The following CHRDL2 variants were observed in gnomAD, a reference collection of about 807,000 sequenced individuals.
CHRDL2 encodes the protein chordin like 2, also known as chordin-like protein 2.
Under a neutral mutation model 54.3 loss-of-function variants are expected in CHRDL2, and 41 were observed. The ratio of observed to expected loss-of-function variants is 0.76; its 90% CI spans 0.59 to 0.98. The LOEUF (loss-of-function observed/expected upper bound fraction) is 0.98. Among genes scored for constraint, CHRDL2 ranks in the 50% least tolerant of loss-of-function variants. The probability of loss-of-function intolerance (pLI) is 0.00; values close to 1 mark genes in which losing one functional copy is unlikely to be tolerated. For missense variants in CHRDL2, 518 were observed against 562.4 expected (o/e 0.92, Z 0.80); for synonymous variants, 220 against 224.3 (o/e 0.98, Z 0.17).
chr11:74,716,275 GC>G (rs1353538205), intron 2 of CHRDL2, among the ~76,000 whole-genome samples: 3 of 152,060 alleles, frequency 2.0e-5, no homozygotes, highest in Non-Finnish European at 4.4e-5. Flanking sequence ...GGTGGCTCAT[GC>G]CTGTAATCCC....
intron 1 of CHRDL2, among the ~76,000 whole-genome samples, chr11:74,721,791 T>G (rs1591369701): frequency 6.6e-6 from 1 of 152,244 alleles, no homozygotes; most frequent in South Asian, 2.1e-4. Flanking sequence ...GTTTCCCATC[T>G]GCAAAATAAG....
At position 74,718,759 on chromosome 11, in the gene CHRDL2, T is replaced by G. The variant is rs1006955208; in HGVS notation, c.156A>C (p.Pro52=). 2.3e-5 allele frequency: 37 copies of G among 1,613,710 alleles called. No individual in the cohort carries two copies. The Admixed American group carries it at 4.3e-4, about 19-fold the overall frequency. The change falls in exon 2 of 11, where the codon CCA becomes CCC. Residue 52 remains proline (P), a synonymous_variant. Transcript: ENST00000376332. The part of the protein sequence containing the change: ...PGESWHPYLE[P]QGLMYCLRCT... ...AGCGCAGGCAGTACATCAGGCCTTG[T>G]GGCTCCAAGTAGGGGTGCCAGCTCT...
Position 74,708,408 on chromosome 11 carries a change from G to A in CHRDL2, c.433-13C>T, listed in dbSNP as rs1395335677. The A allele has an allele frequency of 6.4e-7, 1 of 1,551,728 alleles. No homozygotes were observed. ...AGATCTGGCCCTCCTGACAGATAGA[G>A]CAAACCAGCTGGGAAATGAGCTCTG... On this transcript the variant is annotated splice_polypyrimidine_tract_variant and intron_variant, in intron 4 of 10. Transcript: ENST00000376332.
At chr11:74,701,624 T>C (rs1432893208) in intron 9 of CHRDL2, 1 of 717,456 alleles carries the variant, frequency 1.4e-6, no homozygotes. Context: ...GTACTTCACC[T>C]CTCTGAGCCT....
At chr11:74,723,590 G>A (rs910659083) in intron 1 of CHRDL2, among the ~76,000 whole-genome samples, 3 of 152,096 alleles carry the variant, frequency 2.0e-5, no homozygotes, top group Non-Finnish European at 2.9e-5. Flanking sequence ...CAAATTGCTG[G>A]CACTGCTACT....
chr11:74,712,148 T>C, intron 3 of CHRDL2, among the ~76,000 whole-genome samples: 1 of 151,500 alleles, frequency 6.6e-6, no homozygotes, highest in South Asian at 2.1e-4. Context: ...AAGTTTGAAA[T>C]CTAATTAGGC....
At position 74,708,543 on chromosome 11, in the gene CHRDL2, C is replaced by T. The variant is rs557992669; in HGVS notation, c.433-148G>A. 8.1e-5 allele frequency: 49 copies of T among 604,260 alleles called. No individual in the cohort carries two copies. In the East Asian group the frequency reaches 9.8e-4, roughly 12 times the overall value. The allele number at this position is 604,260 out of a possible 1,614,324, so 37.4% of individuals were successfully genotyped here. A position where few individuals can be genotyped will look rare whatever the true frequency, so the allele number is the denominator to read the frequency against. On this transcript the variant is annotated intron_variant, in intron 4 of 10. Coordinates refer to ENST00000376332, the MANE Select transcript of CHRDL2 (RefSeq NM_001278473.3). Reference sequence around the variant, plus strand: ...GCAACAGCATCTCCACAGCAAGGCCCGGCCAGCTCAGAGGAGGGGTCCCCC... The same window carrying T: ...GCAACAGCATCTCCACAGCAAGGCCTGGCCAGCTCAGAGGAGGGGTCCCCC...
In CHRDL2 at chr11:74,708,306, G is replaced by A. The variant is rs371940241; in HGVS notation, c.522C>T (p.Cys174=). 2.5e-5 allele frequency: 39 copies of A among 1,574,746 alleles called. No homozygotes were observed. In the African/African-American group the frequency reaches 4.8e-4, roughly 19 times the overall value. Residue 174 remains cysteine, a synonymous_variant, in exon 5 of 11, where the codon TGC becomes TGT. Coordinates refer to ENST00000376332, the MANE Select transcript of CHRDL2 (RefSeq NM_001278473.3). The part of the protein sequence containing the change: ...LPLPDSCCQA[C]KDEASEQSDE... ...CAGATGGAGGGACAGACTCACCTTTGCAGGCCTGGCAGCAGGAGTCTGGCA... is the reference window on the plus strand; with the variant it reads ...CAGATGGAGGGACAGACTCACCTTTACAGGCCTGGCAGCAGGAGTCTGGCA...
rs141418713 is a variant in CHRDL2, at chr11:74,713,372, G to A, written c.289+14C>T. The A allele has an allele frequency of 1.2e-6, 2 of 1,608,940 alleles. No homozygotes were observed. Among genetic ancestry groups the A allele is most frequent in the Non-Finnish European group, 1.7e-6 (2 of 1,175,400 alleles). On this transcript the variant is annotated intron_variant, in intron 3 of 10. Transcript: ENST00000376332. ...AAAGGTCCATGGACGATGGGGAGGAGCATGGCTACTTACCCACACACTTGG... is the reference window on the plus strand; with the variant it reads ...AAAGGTCCATGGACGATGGGGAGGAACATGGCTACTTACCCACACACTTGG...
rs754202448 is a variant in CHRDL2, at chr11:74,708,381, G to A, written c.447C>T (p.Tyr149=). ...GTTCGGGGCAGGTTGTGAGGCCGCA[G>A]TAGATCTGGCCCTCCTGACAGATAG... ...VLCSCTEGQI[Y]CGLTTCPEPG... is the part of the protein sequence containing the mutation. The change falls in exon 5 of 11, where the codon TAC becomes TAT. Residue 149 remains tyrosine (Y), a synonymous_variant. Transcript: ENST00000376332. The A allele has an allele frequency of 1.3e-6, 2 of 1,584,160 alleles. No individual in the cohort carries two copies. The highest frequency in any genetic ancestry group is 1.2e-5 in the South Asian group (1 of 86,856).
rs146909868 is a variant in CHRDL2 at position 74,702,909 on chromosome 11, C to T, written c.1005G>A (p.Pro335=). 397 of 1,614,176 alleles carry T rather than the reference C, an allele frequency of 2.5e-4. 2 individuals carry two copies. The African/African-American group carries it at 3.3e-3, about 13-fold the overall frequency. ...EISSTRCPKA[P]GRVLVHTSVS... Reference sequence around the variant, plus strand: ...CCGATGTGTGGACGAGGACCCGGCCCGGTGCCTTGGGACACCTGGTAGAAC... The same window carrying T: ...CCGATGTGTGGACGAGGACCCGGCCTGGTGCCTTGGGACACCTGGTAGAAC... Residue 335 remains proline, a synonymous_variant, in exon 9 of 11, where the codon CCG becomes CCA. Coordinates refer to ENST00000376332, the MANE Select transcript of CHRDL2 (RefSeq NM_001278473.3).
intron 1 of CHRDL2, among the ~76,000 whole-genome samples, chr11:74,723,602 G>A (rs1040386379): frequency 7.2e-5 from 11 of 151,920 alleles, no homozygotes; most frequent in Non-Finnish European, 1.5e-4. Context: ...ACTGCTACTC[G>A]TGCTTTGGTG....
At chr11:74,712,720 T>C (rs1430855085) in intron 3 of CHRDL2, among the ~76,000 whole-genome samples, 1 of 152,000 alleles carries the variant, frequency 6.6e-6, no homozygotes, top group Non-Finnish European at 1.5e-5. Flanking sequence ...TAAACATCAA[T>C]TTTCCTCTCA....
chr11:74,722,723 A>G (rs991742818), intron 1 of CHRDL2, among the ~76,000 whole-genome samples: 12 of 152,072 alleles, frequency 7.9e-5, no homozygotes, highest in Admixed American at 4.6e-4. Context: ...TACTGCACCA[A>G]TCATGATTCT....
intron 2 of CHRDL2, among the ~76,000 whole-genome samples, chr11:74,716,494 C>T (rs755586601): frequency 4.8e-5 from 7 of 146,318 alleles, no homozygotes; most frequent in Non-Finnish European, 1.0e-4. Context: ...AAGATTGCAC[C>T]GCTGCACTCC....
chr11:74,703,448 G>A lies in CHRDL2; in HGVS notation c.803C>T (p.Ala268Val). The change falls in exon 8 of 11, where the codon GCC becomes GTC. Residue 268 changes from alanine to valine, a missense_variant. Transcript: ENST00000376332. ...TYSHGEVWHP[A>V]FRAFGPLPCI... The stretch of plus-strand genomic sequence containing the variant: ...GGGCAAGGGGCCGAAGGCACGGAAG[G>A]CCGGGTGCCACACCTCCCCGTGGGA... 1 of 1,612,586 alleles carries A rather than the reference G, an allele frequency of 6.2e-7. No individual in the cohort carries two copies. The highest frequency in any genetic ancestry group is 1.7e-4 in the Middle Eastern group (1 of 6,024).
chr11:74,724,690 C>A (rs1446356465), intron 1 of CHRDL2, among the ~76,000 whole-genome samples: 1 of 152,226 alleles, frequency 6.6e-6, no homozygotes, highest in Admixed American at 6.5e-5. Flanking sequence ...TAGATGCTAC[C>A]CTTTCTGTGA....
intron 9 of CHRDL2, among the ~76,000 whole-genome samples, chr11:74,701,872 T>C (rs1335537929): frequency 6.6e-6 from 1 of 152,170 alleles, no homozygotes; most frequent in African/African-American, 2.4e-5. Flanking sequence ...AGAGTTTAAT[T>C]TGGATCATGG....
chr11:74,705,532 T>G (rs991532510), intron 6 of CHRDL2, among the ~76,000 whole-genome samples: 2 of 152,122 alleles, frequency 1.3e-5, no homozygotes, highest in Admixed American at 1.3e-4. Flanking sequence ...GATAGGACAC[T>G]CCTGGGAGAT....
Sources: gnomAD v4.1 joint callset for allele counts (sites outside exome capture counted in the v4.1 genomes callset) on GRCh38, gnomAD v4.1.1 for gene constraint, MANE v1.5 for transcripts, NCBI Gene and HGNC (gene_info 2026-07-23, HGNC 2026-07-21) for gene names.